The following CDK5RAP2 variants were observed in gnomAD, a reference collection of about 807,000 sequenced individuals.
CDK5RAP2 encodes the protein CDK5 regulatory subunit-associated protein 2.
CDK5RAP2 carries 147 observed loss-of-function variants against 232.9 expected under a neutral mutation model. The ratio of observed to expected loss-of-function variants is 0.63; its 90% CI spans 0.55 to 0.72. The LOEUF is 0.72. CDK5RAP2 is among the 30% of genes least tolerant of loss of function. CDK5RAP2 has a pLI of 0.00. For synonymous variants in CDK5RAP2, 833 were observed against 833.7 expected (o/e 1.00, Z 0.01); for missense variants, 2,195 against 2,231.5 (o/e 0.98, Z 0.33).
chr9:120,404,038 G>A lies in CDK5RAP2; in HGVS notation c.5039C>T (p.Ser1680Leu), dbSNP rs2033262892. ...TTACCTGGACTTCAGCTTTGTACCT[G>A]ATTTTGGTGTCACTGCCTGGGAGGA... ...FDSSQAVTPK[S>L]VSETPPLSGN... Residue 1680 changes from serine to leucine, a missense_variant and splice_region_variant, in exon 33 of 38, where the codon TCA becomes TTA. Transcript: ENST00000349780. 1 of 1,606,228 alleles carries A rather than the reference G, an allele frequency of 6.2e-7. No homozygotes were observed. Among genetic ancestry groups the A allele is most frequent in the Non-Finnish European group, 8.5e-7 (1 of 1,172,870 alleles).
intron 35 of CDK5RAP2, among the ~76,000 whole-genome samples, chr9:120,397,822 G>A (rs113605624): frequency 2.6e-5 from 4 of 152,306 alleles, no homozygotes; most frequent in African/African-American, 7.2e-5. Context: ...CTGCTGGGGT[G>A]CACTCTCAGA....
chr9:120,562,230 T>C (rs1442087602), intron 3 of CDK5RAP2, among the ~76,000 whole-genome samples: 3 of 152,176 alleles, frequency 2.0e-5, no homozygotes, highest in Non-Finnish European at 4.4e-5. Context: ...ATTTTATATT[T>C]ATGGCTATCA....
chr9:120,398,364 A>C (rs2032707100), intron 35 of CDK5RAP2, among the ~76,000 whole-genome samples: 1 of 152,202 alleles, frequency 6.6e-6, no homozygotes, highest in African/African-American at 2.4e-5. Flanking sequence ...CAGAATATGA[A>C]TATCAATATT....
At chr9:120,545,194 C>G (rs918436125) in intron 5 of CDK5RAP2, among the ~76,000 whole-genome samples, 28 of 152,298 alleles carry the variant, frequency 1.8e-4, no homozygotes, top group African/African-American at 6.0e-4. Context: ...CCTCACCCAT[C>G]AGGACCCCTT....
intron 14 of CDK5RAP2, among the ~76,000 whole-genome samples, chr9:120,482,054 A>T (rs1192215725): frequency 6.6e-6 from 1 of 152,216 alleles, no homozygotes; most frequent in Non-Finnish European, 1.5e-5. Context: ...CAGATGATGA[A>T]ACTGACTCTC....
chr9:120,579,166 G>A (rs1035465527), intron 1 of CDK5RAP2, among the ~76,000 whole-genome samples: 4 of 152,180 alleles, frequency 2.6e-5, no homozygotes, highest in Non-Finnish European at 5.9e-5. Context: ...GGCCACTCTT[G>A]GCCATTATTC....
chr9:120,468,690 G>A (rs566175447), intron 17 of CDK5RAP2, among the ~76,000 whole-genome samples: 1 of 152,326 alleles, frequency 6.6e-6, no homozygotes, highest in Non-Finnish European at 1.5e-5. Flanking sequence ...AAATGAGACA[G>A]AACAATGGCC....
At chr9:120,454,009 G>A (rs780710420) in intron 20 of CDK5RAP2, 136 bp from the exon 21 acceptor site, 126 of 856,614 alleles carry the variant, frequency 1.5e-4, no homozygotes, top group Middle Eastern at 9.8e-4. Flanking sequence ...TACCCACAAC[G>A]TGCCAGGGCC....
intron 29 of CDK5RAP2, among the ~76,000 whole-genome samples, chr9:120,410,513 G>A (rs988635921): frequency 6.6e-6 from 1 of 152,142 alleles, no homozygotes. Context: ...GGTTCACACT[G>A]GTCTGCCAAG....
rs778824698 is a variant in CDK5RAP2 at position 120,389,291 on chromosome 9, A to G, written c.5627T>C (p.Leu1876Pro). 3.1e-6 allele frequency: 5 copies of G among 1,611,800 alleles called. 1 individual carries two copies. The South Asian group carries it at 3.3e-5, about 11-fold the overall frequency. Residue 1876 changes from leucine to proline, a missense_variant and splice_region_variant, in exon 38 of 38, where the codon CTT (leucine) becomes CCT (proline). Transcript: ENST00000349780. ...TCCTGGATGGGCTCCCCCAGGCCTA[A>G]GCTAGGAAAAGGAAGAAAAAAAAGG... Reference protein sequence around the residue: ...ILRKARGNLELRPGGAHPGTC... With the variant: ...ILRKARGNLEPRPGGAHPGTC...
At chr9:120,389,889 G>A (rs930558068) in intron 36 of CDK5RAP2, 102 bp from the exon 37 acceptor site, 11 of 1,038,520 alleles carry the variant, frequency 1.1e-5, no homozygotes, top group African/African-American at 6.3e-5. Flanking sequence ...CAAAGGGCTC[G>A]GACATGTAGA....
intron 1 of CDK5RAP2, among the ~76,000 whole-genome samples, chr9:120,574,776 C>T (rs2042968160): frequency 6.6e-6 from 1 of 151,046 alleles, no homozygotes; most frequent in Non-Finnish European, 1.5e-5. Flanking sequence ...CAGGTTTAAT[C>T]CTCACTATAG....
At chr9:120,577,208 A>C (rs1219695947) in intron 1 of CDK5RAP2, among the ~76,000 whole-genome samples, 1 of 152,090 alleles carries the variant, frequency 6.6e-6, no homozygotes. Flanking sequence ...CCAAAAATAC[A>C]AAAATTAGCC....
At chr9:120,430,195 G>C (rs1227027135) in intron 25 of CDK5RAP2, among the ~76,000 whole-genome samples, 2 of 152,140 alleles carry the variant, frequency 1.3e-5, no homozygotes, top group African/African-American at 4.8e-5. Context: ...CAGGACATAG[G>C]CATGGGCAAG....
chr9:120,524,614 A>G (rs947634330), intron 11 of CDK5RAP2, among the ~76,000 whole-genome samples: 2 of 152,056 alleles, frequency 1.3e-5, no homozygotes, highest in Admixed American at 1.3e-4. Context: ...CTCAAGCCTC[A>G]GCGACAGAGG....
intron 31 of CDK5RAP2, chr9:120,407,534 A>T (rs2033543744): frequency 2.2e-6 from 1 of 456,428 alleles, no homozygotes; most frequent in Middle Eastern, 6.3e-4. Context: ...GTAGTAATAA[A>T]ATCTATTTGG....
intron 21 of CDK5RAP2, among the ~76,000 whole-genome samples, chr9:120,451,853 A>ATATATAT (rs539728623): frequency 4.1e-5 from 6 of 148,008 alleles, no homozygotes; most frequent in Non-Finnish European, 1.5e-5. Flanking sequence ...AAATGAGATT[A>ATATATAT]TATATATTAT....
chr9:120,425,681 A>C (rs2034850676), intron 25 of CDK5RAP2, among the ~76,000 whole-genome samples: 1 of 152,232 alleles, frequency 6.6e-6, no homozygotes, highest in African/African-American at 2.4e-5. Context: ...AAAATCCATC[A>C]GTCCTACAGA....
intron 10 of CDK5RAP2, among the ~76,000 whole-genome samples, chr9:120,527,122 A>G (rs1436543394): frequency 1.3e-5 from 2 of 152,178 alleles, no homozygotes; most frequent in African/African-American, 4.8e-5. Context: ...TGTTCCTTGC[A>G]TAGCTACTAG....
Sources: allele counts gnomAD v4.1 joint callset (sites outside exome capture counted in the v4.1 genomes callset), GRCh38; gene constraint gnomAD v4.1.1; transcripts MANE v1.5; gene names NCBI Gene and HGNC (gene_info 2026-07-23, HGNC 2026-07-21).